The following NEB variants were observed in gnomAD, a reference collection of about 807,000 sequenced individuals.
NEB encodes nemaline myopathy type 2.
In NEB, 512 loss-of-function variants were observed where a neutral mutation model predicts 952.2. The observed-to-expected ratio is 0.54, with a 90% CI of 0.50 to 0.58. The LOEUF is 0.58. Among genes scored for constraint, NEB ranks in the 20% least tolerant of loss-of-function variants. The pLI is 0.00. For synonymous variants in NEB, 2,900 were observed against 3,149.8 expected, an observed-to-expected ratio of 0.92 and a Z score of 2.66; for missense variants, 8,428 against 9,231.1, an observed-to-expected ratio of 0.91 and a Z score of 3.56.
rs1353432854 is a variant in NEB, at chr2:151,690,758, T to C, written c.2279A>G (p.Gln760Arg). 1 of 1,598,552 alleles carries C rather than the reference T, an allele frequency of 6.3e-7. No individual in the cohort carries two copies. Among genetic ancestry groups the C allele is most frequent in the East Asian group, 2.2e-5 (1 of 44,520 alleles). Reference protein sequence around the residue: ...TAVTDSPVLLQAQLNTKQLSD... With the variant: ...TAVTDSPVLLRAQLNTKQLSD... ...AAGCTGTTTCGTGTTGAGCTGGGCT[T>C]GCAACAGTACAGGAGAATCAGTGAC... The change falls in exon 24 of 182, where the codon CAA (glutamine) becomes CGA (arginine). Residue 760 changes from glutamine to arginine, a missense_variant. Gln to Arg is a conservative substitution (Grantham distance 43). Coordinates refer to ENST00000397345, the MANE Select transcript of NEB (RefSeq NM_001164508.2).
intron 10 of NEB, among the ~76,000 whole-genome samples, chr2:151,712,803 C>T (rs1392055440): frequency 2.6e-5 from 4 of 152,058 alleles, no homozygotes; most frequent in African/African-American, 9.7e-5. Flanking sequence ...GAGAGTGAGG[C>T]CAGAGCTTTT....
At position 151,650,633 on chromosome 2, in the gene NEB, A is replaced by G; in HGVS notation, c.7168T>C (p.Cys2390Arg). The change falls in exon 53 of 182, where the codon TGT becomes CGT. Residue 2390 changes from cysteine (C) to arginine (R), a missense_variant. Transcript: ENST00000397345. Reference sequence around the variant, plus strand: ...ACAACATCGTTCTGATCAGGCAGACATGTCCACTGATGCAGGTAGTTCTTG... The same window carrying G: ...ACAACATCGTTCTGATCAGGCAGACGTGTCCACTGATGCAGGTAGTTCTTG... Reference protein sequence around the residue: ...DYKNYLHQWTCLPDQNDVVQA... With the variant: ...DYKNYLHQWTRLPDQNDVVQA... The G allele has an allele frequency of 6.2e-7, 1 of 1,611,860 alleles. No homozygotes were observed. Among genetic ancestry groups the G allele is most frequent in the Non-Finnish European group, 8.5e-7 (1 of 1,178,486 alleles).
At chr2:151,553,762 T>C in intron 126 of NEB, 66 bp downstream of exon 126, 1 of 1,436,594 alleles carries the variant, frequency 7.0e-7, no homozygotes, top group Non-Finnish European at 9.4e-7. Flanking sequence ...TGGGTGAGTT[T>C]GCTGCCTTCT....
chr2:151,531,293 T>G (rs985530816), intron 144 of NEB, among the ~76,000 whole-genome samples, 192 bp from the exon 145 acceptor site: 2 of 147,732 alleles, frequency 1.4e-5, no homozygotes, highest in African/African-American at 2.5e-5. Flanking sequence ...TCACAACAAC[T>G]CTCTTTTTTT....
intron 119 of NEB, among the ~76,000 whole-genome samples, chr2:151,563,375 T>C (rs185089507): frequency 6.6e-6 from 1 of 152,264 alleles, no homozygotes; most frequent in African/African-American, 2.4e-5. Context: ...TTTCCTTTTC[T>C]GAACACAAAG....
chr2:151,491,344 C>G lies in NEB; in HGVS notation c.25150+339G>C, dbSNP rs564221677. 5 of 210,814 alleles carry G rather than the reference C, an allele frequency of 2.4e-5. No individual in the cohort carries two copies. The East Asian group carries it at 5.8e-4, about 24-fold the overall frequency. The allele number at this position is 210,814 out of a possible 1,614,324, so 13.1% of individuals were successfully genotyped here. ...TTGATGCAATAGAGCTCAGGAAGTT[C>G]CTACAGGTCAAATCCTTTCTCTTCC... is the stretch of plus-strand genomic sequence containing the variant. On this transcript the variant is annotated intron_variant, in intron 179 of 181. Transcript: ENST00000397345.
intron 171 of NEB, 156 bp from the exon 172 acceptor site, chr2:151,497,189 T>G: frequency 5.3e-6 from 4 of 750,776 alleles, no homozygotes; most frequent in Non-Finnish European, 6.5e-6. Flanking sequence ...ACTACTTTAC[T>G]TTAGTGGAAG....
At chr2:151,516,932 C>T (rs1319104828) in intron 156 of NEB, among the ~76,000 whole-genome samples, 1 of 152,166 alleles carries the variant, frequency 6.6e-6, no homozygotes, top group Non-Finnish European at 1.5e-5. Context: ...ATTATTAATG[C>T]TATTAGCATT....
At chr2:151,653,878 T>C in intron 52 of NEB, 114 bp downstream of exon 52, 1 of 630,990 alleles carries the variant, frequency 1.6e-6, no homozygotes, top group East Asian at 2.9e-5. Flanking sequence ...TAGGAGAAAA[T>C]GAAGGAAGCA....
At chr2:151,524,062 A>AAGAT (rs2083805761) in intron 153 of NEB, among the ~76,000 whole-genome samples, 1 of 152,170 alleles carries the variant, frequency 6.6e-6, no homozygotes, top group African/African-American at 2.4e-5. Context: ...TTGTCACATA[A>AAGAT]AGATAGTTAA....
chr2:151,505,506 A>G lies in NEB; in HGVS notation c.23714T>C (p.Val7905Ala). The stretch of plus-strand genomic sequence containing the variant: ...GCTAATGTGCTTCTGCGTCTCCTTC[A>G]CACGTTTCACTTCAGGCAGGTCAGG... ...PIPDLPEVKRVKETQKHISSV... is the reference protein window; with the variant it reads ...PIPDLPEVKRAKETQKHISSV... Residue 7905 changes from valine to alanine, a missense_variant, in exon 165 of 182, where the codon GTG (valine) becomes GCG (alanine). Transcript: ENST00000397345. 1 of 1,613,758 alleles carries G rather than the reference A, an allele frequency of 6.2e-7. No individual in the cohort carries two copies. Among genetic ancestry groups the G allele is most frequent in the East Asian group, 2.2e-5 (1 of 44,880 alleles).
At position 151,656,318 on chromosome 2, in the gene NEB, C is replaced by A. The variant is rs1414740891; in HGVS notation, c.6330G>T (p.Lys2110Asn). The A allele has an allele frequency of 1.9e-6, 3 of 1,613,488 alleles. No homozygotes were observed. Among genetic ancestry groups the A allele is most frequent in the Non-Finnish European group, 2.5e-6 (3 of 1,179,722 alleles). ...REYKKNYENT[K>N]TSYHTPADML... is the part of the protein sequence containing the mutation. ...TGTCGGCAGGGGTGTGGTAGCTGGTCTTTGTGTTCTCATAGTTTTTCTTGT... is the reference window on the plus strand; with the variant it reads ...TGTCGGCAGGGGTGTGGTAGCTGGTATTTGTGTTCTCATAGTTTTTCTTGT... Residue 2110 changes from lysine (K) to asparagine (N), a missense_variant, in exon 49 of 182, where the codon AAG becomes AAT. By Grantham distance (94) the Lys-to-Asn change is moderately conservative. This residue lies in a region of NEB where 2,851 missense variants were observed against 2,791.5 expected (regional missense o/e 1.02). Transcript: ENST00000397345.
At chr2:151,577,141 A>C (rs2096897136) in intron 105 of NEB, among the ~76,000 whole-genome samples, 2 of 152,202 alleles carry the variant, frequency 1.3e-5, no homozygotes, top group African/African-American at 4.8e-5. Flanking sequence ...TCTTTTCAAA[A>C]TTCAGAATTC....
At chr2:151,632,905 C>G (rs1304705220) in intron 65 of NEB, among the ~76,000 whole-genome samples, 1 of 152,062 alleles carries the variant, frequency 6.6e-6, no homozygotes, top group Non-Finnish European at 1.5e-5. Flanking sequence ...CAAAGCCTTT[C>G]TTTTTGGAAA....
intron 40 of NEB, among the ~76,000 whole-genome samples, 191 bp downstream of exon 40, chr2:151,667,613 A>G (rs1309978296): frequency 6.6e-6 from 1 of 151,898 alleles, no homozygotes; most frequent in East Asian, 1.9e-4. Flanking sequence ...CTGCAGCTTC[A>G]AACTCCTGGG....
chr2:151,635,333 T>A (rs2098735797), intron 64 of NEB, among the ~76,000 whole-genome samples: 1 of 152,170 alleles, frequency 6.6e-6, no homozygotes, highest in African/African-American at 2.4e-5. Flanking sequence ...CCTTGATTTT[T>A]AGAGCCGTCA....
At chr2:151,559,816 G>T (rs2095905835) in intron 124 of NEB, among the ~76,000 whole-genome samples, 1 of 152,160 alleles carries the variant, frequency 6.6e-6, no homozygotes, top group Non-Finnish European at 1.5e-5. Flanking sequence ...GGGAGGGATA[G>T]CATTAGGAGA....
At chr2:151,556,785 G>C (rs949680645) in intron 124 of NEB, among the ~76,000 whole-genome samples, 1 of 151,880 alleles carries the variant, frequency 6.6e-6, no homozygotes, top group Non-Finnish European at 1.5e-5. Flanking sequence ...ACCTCCTGTC[G>C]ACACTAGACA....
At chr2:151,710,812 C>T (rs1357740827) in intron 10 of NEB, among the ~76,000 whole-genome samples, 1 of 152,072 alleles carries the variant, frequency 6.6e-6, no homozygotes, top group Non-Finnish European at 1.5e-5. Flanking sequence ...TGCAGATGTC[C>T]CCTGATGTTT....
Sources: gnomAD v4.1 joint callset for allele counts (sites outside exome capture counted in the v4.1 genomes callset) on GRCh38, gnomAD v4.1.1 for gene constraint, gnomAD v4.1.1 regional missense constraint, MANE v1.5 for transcripts, NCBI Gene and HGNC (gene_info 2026-07-23, HGNC 2026-07-21) for gene names.